Variants in TAS2R1 observed in about 807,000 individuals in gnomAD.
TAS2R1 encodes the protein taste 2 receptor member 1.
For synonymous variants in TAS2R1, 141 were observed against 134.2 expected (o/e 1.05, Z -0.35); for missense variants, 370 against 353.4 (o/e 1.05, Z -0.38).
At chr5:9,707,767 C>G (rs1741647404) in intron 1 of TAS2R1, among the ~76,000 whole-genome samples, 1 of 152,024 alleles carries the variant, frequency 6.6e-6, no homozygotes, top group Non-Finnish European at 1.5e-5. Flanking sequence ...TCTGTGTAAC[C>G]TCATGGAACC....
At chr5:9,806,895 T>G in the TAS2R1 span, among the ~76,000 whole-genome samples, 1 of 151,770 alleles carries the variant, frequency 6.6e-6, no homozygotes, top group Admixed American at 6.6e-5. Context: ...AACAGATAAA[T>G]AGATGGGAAT....
chr5:9,782,415 C>T, the TAS2R1 span, among the ~76,000 whole-genome samples: 6 of 147,990 alleles, frequency 4.1e-5, no homozygotes, highest in Non-Finnish European at 8.9e-5. Context: ...AACCTGATGC[C>T]CTTACCAAGC....
rs572519383 is a variant in TAS2R1, at chr5:9,702,656, T to G, written c.-242+9516A>C. Among the ~76,000 whole-genome samples the G allele has an allele frequency of 2.6e-5, 4 of 152,242 alleles. No individual in the cohort carries two copies. In the South Asian group the frequency reaches 8.3e-4, roughly 32 times the overall value. On this transcript the variant is annotated intron_variant, in intron 1 of 2. Coordinates refer to the TAS2R1 transcript ENST00000506620. ...TTGAGGTTGACGTGTTTCACAGAAA[T>G]AGTTAAGTGATACAAATTGTTAATT... is the stretch of plus-strand genomic sequence containing the variant.
chr5:9,662,921 C>CA (rs928486380), intron 1 of TAS2R1, among the ~76,000 whole-genome samples: 1 of 151,872 alleles, frequency 6.6e-6, no homozygotes, highest in Non-Finnish European at 1.5e-5. Flanking sequence ...CAAACTGAAT[C>CA]AAAAAATCAA....
the TAS2R1 span, among the ~76,000 whole-genome samples, chr5:9,767,590 C>T: frequency 2.0e-5 from 3 of 152,118 alleles, no homozygotes; most frequent in Admixed American, 6.5e-5. Flanking sequence ...CCTCCTGACC[C>T]GTAACCACAG....
chr5:9,782,864 A>G, the TAS2R1 span, among the ~76,000 whole-genome samples: 1 of 152,180 alleles, frequency 6.6e-6, no homozygotes, highest in Admixed American at 6.5e-5. Context: ...GAGCAAAAGG[A>G]CTAACATTTT....
the TAS2R1 span, among the ~76,000 whole-genome samples, chr5:9,796,738 A>C: frequency 7.5e-6 from 1 of 133,634 alleles, no homozygotes; most frequent in African/African-American, 2.7e-5. Flanking sequence ...AAAAAAAAAA[A>C]AGAAAAGAAA....
the TAS2R1 span, among the ~76,000 whole-genome samples, chr5:9,841,787 G>C: frequency 6.6e-6 from 1 of 152,206 alleles, no homozygotes; most frequent in Non-Finnish European, 1.5e-5. Flanking sequence ...CCAGAACAGA[G>C]AGCAAGCTTT....
chr5:9,797,172 G>A, the TAS2R1 span, among the ~76,000 whole-genome samples: 1 of 152,164 alleles, frequency 6.6e-6, no homozygotes, highest in Non-Finnish European at 1.5e-5. Flanking sequence ...TTCCAACCCA[G>A]ATGATTATGC....
At chr5:9,757,607 T>G in the TAS2R1 span, among the ~76,000 whole-genome samples, 1 of 152,164 alleles carries the variant, frequency 6.6e-6, no homozygotes, top group Admixed American at 6.6e-5. Flanking sequence ...CTTAAAATCA[T>G]GCTTAGACAT....
At chr5:9,681,531 CAAAAAA>C (rs10681888) in intron 1 of TAS2R1, among the ~76,000 whole-genome samples, 1 of 87,920 alleles carries the variant, frequency 1.1e-5, no homozygotes. Flanking sequence ...CATGTTTCTG[CAAAAAA>C]AAAAAAAAAA....
the TAS2R1 span, among the ~76,000 whole-genome samples, chr5:9,876,411 C>T: frequency 5.9e-5 from 9 of 152,092 alleles, no homozygotes; most frequent in Admixed American, 3.9e-4. Flanking sequence ...GTCTTTCTGC[C>T]TCCTTTCCCC....
chr5:9,735,475 A>G, the TAS2R1 span, among the ~76,000 whole-genome samples: 1 of 151,464 alleles, frequency 6.6e-6, no homozygotes, highest in African/African-American at 2.5e-5. Flanking sequence ...TAAAATTGAT[A>G]ATTTCCCTAC....
the TAS2R1 span, among the ~76,000 whole-genome samples, chr5:9,824,383 G>A: frequency 6.6e-6 from 1 of 152,228 alleles, no homozygotes; most frequent in East Asian, 1.9e-4. Context: ...CAGCCAGATG[G>A]TGTTCTGTGC....
the TAS2R1 span, among the ~76,000 whole-genome samples, chr5:9,834,584 C>T: frequency 8.2e-3 from 1,245 of 152,170 alleles, 14 homozygotes; most frequent in African/African-American, 0.029. Flanking sequence ...TCAAATAGAG[C>T]AAAGCAACCA....
chr5:9,796,738 AAG>A, the TAS2R1 span, among the ~76,000 whole-genome samples: 6 of 133,724 alleles, frequency 4.5e-5, 1 homozygote, highest in South Asian at 1.4e-3. Flanking sequence ...AAAAAAAAAA[AAG>A]AAAAGAAAAA....
the TAS2R1 span, among the ~76,000 whole-genome samples, chr5:9,777,968 C>A: frequency 6.6e-6 from 1 of 151,718 alleles, no homozygotes; most frequent in Non-Finnish European, 1.5e-5. Flanking sequence ...GCAAGCTCCG[C>A]TTCCCGGGTT....
intron 1 of TAS2R1, among the ~76,000 whole-genome samples, chr5:9,665,692 A>G (rs1201431052): frequency 6.6e-6 from 1 of 152,190 alleles, no homozygotes; most frequent in African/African-American, 2.4e-5. Flanking sequence ...GTATAAAATA[A>G]TGTCTGCCTC....
chr5:9,841,977 A>T, the TAS2R1 span, among the ~76,000 whole-genome samples: 1 of 152,202 alleles, frequency 6.6e-6, no homozygotes, highest in Admixed American at 6.5e-5. Flanking sequence ...GCCATAAGTA[A>T]TACAGTTCTT....
Sources: gnomAD v4.1 joint callset for allele counts (sites outside exome capture counted in the v4.1 genomes callset) on GRCh38, gnomAD v4.1.1 for gene constraint, MANE v1.5 for transcripts, NCBI Gene and HGNC (gene_info 2026-07-23, HGNC 2026-07-21) for gene names.